The following FNIP2 variants were observed in gnomAD, a reference collection of about 807,000 sequenced individuals.
The protein encoded by FNIP2 is folliculin interacting protein 2, also known as folliculin-interacting protein 2.
A neutral mutation model predicts 108.7 loss-of-function variants in FNIP2; 32 were observed. That is an observed-to-expected ratio of 0.29 (90% CI 0.22 to 0.40). The LOEUF is 0.40. Among genes scored for constraint, FNIP2 ranks in the 10% least tolerant of loss-of-function variants. The pLI, the probability that FNIP2 is intolerant of heterozygous loss-of-function variation, is 1.00. For missense variants in FNIP2, 1,202 were observed against 1,381.6 expected (o/e 0.87, Z 2.06); for synonymous variants, 480 against 496.7 (o/e 0.97, Z 0.45).
chr4:158,829,713 T>TGG (rs765814791), intron 3 of FNIP2, among the ~76,000 whole-genome samples: 1 of 129,192 alleles, frequency 7.7e-6, no homozygotes, highest in African/African-American at 3.1e-5. Flanking sequence ...GTGTGTGGGG[T>TGG]GTGTGTGTGT....
rs941590817 is a variant in FNIP2, at chr4:158,895,966, G to C, written c.3266+101G>C. ...TGTGTCACCCTAAACCTCAGGCCCT[G>C]GTAACCCATCAAAGTATGTGGAGTC... On this transcript the variant is annotated intron_variant, in intron 16 of 16. Coordinates refer to ENST00000264433, the MANE Select transcript of FNIP2 (RefSeq NM_020840.3). The C allele has an allele frequency of 3.7e-5, 30 of 802,356 alleles. 1 individual carries two copies. In the South Asian group the frequency reaches 4.4e-4, roughly 12 times the overall value. The allele number at this position is 802,356 out of a possible 1,614,324, so 49.7% of individuals were successfully genotyped here. A position where few individuals can be genotyped will look rare whatever the true frequency, so the allele number is the denominator to read the frequency against.
In FNIP2 at chr4:158,833,519, CG is replaced by C. The variant is rs1778595054; in HGVS notation, c.555-7del. 1 of 1,561,318 alleles carries C rather than the reference CG, an allele frequency of 6.4e-7. No homozygotes were observed. Among genetic ancestry groups the C allele is most frequent in the Non-Finnish European group, 8.7e-7 (1 of 1,153,964 alleles). ...TCTTTCTCCTTTTCCCCCCCATCTC[CG>C]GATATAGCTTGCAAGACAGCTTTGA... On this transcript the variant is annotated splice_region_variant and splice_polypyrimidine_tract_variant and intron_variant, in intron 5 of 16. Coordinates refer to ENST00000264433, the MANE Select transcript of FNIP2 (RefSeq NM_020840.3).
intron 10 of FNIP2, among the ~76,000 whole-genome samples, chr4:158,860,684 G>A (rs1254215272): frequency 7.5e-6 from 1 of 132,642 alleles, no homozygotes; most frequent in African/African-American, 2.8e-5. Flanking sequence ...TTTAGACTGA[G>A]TCTCGCTCTG....
In FNIP2 at chr4:158,784,240, A is replaced by C. The variant is rs185127567; in HGVS notation, c.107+14921A>C. Reference sequence around the variant, plus strand: ...TGCTCTTTAAGACTTTTCTTTTTCTATTCCGTCCTCCAAAATTACTTCTGT... The same window carrying C: ...TGCTCTTTAAGACTTTTCTTTTTCTCTTCCGTCCTCCAAAATTACTTCTGT... On this transcript the variant is annotated intron_variant, in intron 1 of 16. Coordinates refer to ENST00000264433, the MANE Select transcript of FNIP2 (RefSeq NM_020840.3). Among the ~76,000 whole-genome samples, 4 of 152,308 alleles carry C rather than the reference A, an allele frequency of 2.6e-5. No individual in the cohort carries two copies. The East Asian group carries it at 5.8e-4, about 22-fold the overall frequency.
intron 1 of FNIP2, 58 bp from the exon 2 acceptor site, chr4:158,825,858 T>C (rs537296007): frequency 1.3e-6 from 2 of 1,572,810 alleles, no homozygotes; most frequent in East Asian, 4.7e-5. Context: ...CTTATCTGTC[T>C]GTGATCATCT....
At chr4:158,772,936 T>C (rs971834225) in intron 1 of FNIP2, among the ~76,000 whole-genome samples, 1 of 152,152 alleles carries the variant, frequency 6.6e-6, no homozygotes, top group African/African-American at 2.4e-5. Flanking sequence ...AATTAAGAAC[T>C]TACTTGCTGT....
rs986875777 is a variant in FNIP2 at position 158,878,878 on chromosome 4, A to T, written c.2949+8409A>T. 3.3e-5 allele frequency among the ~76,000 whole-genome samples: 5 copies of T among 151,360 alleles called. 1 individual carries two copies. Among genetic ancestry groups the T allele is most frequent in the Admixed American group, 2.0e-4 (3 of 15,200 alleles). ...TTAGATTCATGTAAGAACTAAAAAC[A>T]ACTTCTAAAATTGAAAAATAGTCCC... On this transcript the variant is annotated intron_variant, in intron 14 of 16. Coordinates refer to ENST00000264433, the MANE Select transcript of FNIP2 (RefSeq NM_020840.3).
intron 14 of FNIP2, among the ~76,000 whole-genome samples, chr4:158,886,244 G>A (rs1280591636): frequency 6.6e-6 from 1 of 152,240 alleles, no homozygotes; most frequent in Non-Finnish European, 1.5e-5. Context: ...ATAAATGATT[G>A]TTTCTAACTT....
In FNIP2 at chr4:158,859,603, C is replaced by T. The variant is rs753331741; in HGVS notation, c.1085C>T (p.Ala362Val). Reference sequence around the variant, plus strand: ...GCTATGATCTCCTGTAGGAAAATAGCAGAATCAAGTCTCCGAGTCCAGTTT... The same window carrying T: ...GCTATGATCTCCTGTAGGAAAATAGTAGAATCAAGTCTCCGAGTCCAGTTT... ...EKAMISCRKI[A>V]ESSLRVQFYV... is the part of the protein sequence containing the mutation. The change falls in exon 10 of 17, where the codon GCA (alanine) becomes GTA (valine). Residue 362 changes from alanine (A) to valine (V), a missense_variant. Coordinates refer to ENST00000264433, the MANE Select transcript of FNIP2 (RefSeq NM_020840.3). 4.3e-5 allele frequency: 70 copies of T among 1,613,230 alleles called. No homozygotes were observed. Among genetic ancestry groups the T allele is most frequent in the Non-Finnish European group, 5.5e-5 (65 of 1,179,610 alleles).
In FNIP2 at chr4:158,860,900, C is replaced by T. The variant is rs1236569676; in HGVS notation, c.1149-442C>T. ...TCTATCTCTTGACCTTGTAATCCAC[C>T]ACCTTGGCCTCCCAAAGTGCTGGGA... On this transcript the variant is annotated intron_variant, in intron 10 of 16. Transcript: ENST00000264433. Among the ~76,000 whole-genome samples, 3 of 152,064 alleles carry T rather than the reference C, an allele frequency of 2.0e-5. No homozygotes were observed. The South Asian group carries it at 6.2e-4, about 31-fold the overall frequency.
rs1268320326 is a variant in FNIP2, at chr4:158,772,412, A to G, written c.107+3093A>G. Among the ~76,000 whole-genome samples, 2 of 152,098 alleles carry G rather than the reference A, an allele frequency of 1.3e-5. 1 individual carries two copies. Among genetic ancestry groups the G allele is most frequent in the African/African-American group, 4.8e-5 (2 of 41,394 alleles). On this transcript the variant is annotated intron_variant, in intron 1 of 16. Transcript: ENST00000264433. ...TCTTGTTGTTGTTGTTTTTTTCTCC[A>G]TGTCTTTTGTAAATTAATGGAGCAG...
At chr4:158,891,312 T>C in intron 14 of FNIP2, 134 bp from the exon 15 acceptor site, 1 of 731,954 alleles carries the variant, frequency 1.4e-6, no homozygotes, top group Non-Finnish European at 2.2e-6. Flanking sequence ...AATTTACCAG[T>C]TGTTAAATCT....
chr4:158,874,285 A>G (rs1341568114), intron 14 of FNIP2, among the ~76,000 whole-genome samples: 1 of 152,080 alleles, frequency 6.6e-6, no homozygotes, highest in Non-Finnish European at 1.5e-5. Flanking sequence ...TAATTTTCTT[A>G]TCTATACTGT....
At chr4:158,804,623 G>A (rs1188565453) in intron 1 of FNIP2, among the ~76,000 whole-genome samples, 1 of 152,104 alleles carries the variant, frequency 6.6e-6, no homozygotes, top group African/African-American at 2.4e-5. Flanking sequence ...ATGTTGCCCA[G>A]GCTGGTCTTT....
chr4:158,895,781 A>T lies in FNIP2; in HGVS notation c.3182A>T (p.Glu1061Val), dbSNP rs750116846. 4 of 1,612,858 alleles carry T rather than the reference A, an allele frequency of 2.5e-6. No individual in the cohort carries two copies. Among genetic ancestry groups the T allele is most frequent in the Non-Finnish European group, 3.4e-6 (4 of 1,179,320 alleles). The change falls in exon 16 of 17, where the codon GAG becomes GTG. Residue 1061 changes from glutamate (E) to valine (V), a missense_variant. Physicochemically the swap from Glu to Val is moderately radical, Grantham distance 121 (BLOSUM62 -2). Around this residue, in one of 5 missense-constraint regions of FNIP2, gnomAD observed 142 missense variants for 183.8 expected, o/e 0.77. Transcript: ENST00000264433. ...ATGCATCTTGAAGATAGACTACAGG[A>T]GATGTACCTTAAAAGTAAAATGCTA... ...CIMHLEDRLQEMYLKSKMLSE... is the reference protein window; with the variant it reads ...CIMHLEDRLQVMYLKSKMLSE...
intron 14 of FNIP2, among the ~76,000 whole-genome samples, chr4:158,882,647 T>C (rs1312664333): frequency 3.9e-5 from 6 of 152,244 alleles, no homozygotes; most frequent in African/African-American, 1.4e-4. Flanking sequence ...TTTTGTTCTG[T>C]ACTAAGAAAA....
rs578177737 is a variant in FNIP2, at chr4:158,783,326, A to G, written c.107+14007A>G. On this transcript the variant is annotated intron_variant, in intron 1 of 16. Transcript: ENST00000264433. ...GTTTTAGACCTGTGCTCTGCTCTCC[A>G]TTTATTTTAGAAACCATTCTGTACA... Among the ~76,000 whole-genome samples, 7 of 152,332 alleles carry G rather than the reference A, an allele frequency of 4.6e-5. No homozygotes were observed. The South Asian group carries it at 1.0e-3, about 23-fold the overall frequency.
intron 16 of FNIP2, 72 bp downstream of exon 16, chr4:158,895,937 A>G (rs1782631590): frequency 6.1e-6 from 7 of 1,145,296 alleles, no homozygotes; most frequent in African/African-American, 1.5e-5. Flanking sequence ...TAACGTGTTT[A>G]GCCTGTGTCA....
chr4:158,778,539 CTA>C (rs1775930923), intron 1 of FNIP2, among the ~76,000 whole-genome samples: 1 of 152,154 alleles, frequency 6.6e-6, no homozygotes, highest in South Asian at 2.1e-4. Flanking sequence ...AGGAGGGTGA[CTA>C]TAGTATGATG....
Sources: allele counts gnomAD v4.1 joint callset (sites outside exome capture counted in the v4.1 genomes callset), GRCh38; gene constraint gnomAD v4.1.1; regional missense constraint gnomAD v4.1.1; transcripts MANE v1.5; gene names NCBI Gene and HGNC (gene_info 2026-07-23, HGNC 2026-07-21).